Variants in PCAT6 observed in about 807,000 individuals in gnomAD.
The protein encoded by PCAT6 is prostate cancer associated transcript 6.
exon 1 of PCAT6, chr1:202,811,906 T>C (rs1193894170): frequency 6.5e-6 from 1 of 153,010 alleles, no homozygotes; most frequent in Non-Finnish European, 1.5e-5. Context: ...ACAACACTTA[T>C]AACTCAGTAT....
chr1:202,811,086 C>T (rs1204618776), exon 1 of PCAT6: 5 of 377,362 alleles, frequency 1.3e-5, no homozygotes, highest in Non-Finnish European at 2.3e-5. Flanking sequence ...GCGGCCGGAG[C>T]GGAACCCAGC....
At chr1:202,811,484 G>A (rs1351257217) in exon 1 of PCAT6, 2 of 398,144 alleles carry the variant, frequency 5.0e-6, no homozygotes, top group South Asian at 1.3e-4. Context: ...GGATGAGGGG[G>A]GCAGACCGGG....
At chr1:202,811,176 C>G in exon 1 of PCAT6, 1 of 397,820 alleles carries the variant, frequency 2.5e-6, no homozygotes, top group Non-Finnish European at 4.4e-6. Context: ...CCTCCGTCCC[C>G]CAAACCGCCC....
Position 202,811,421 on chromosome 1 carries a change from TCCTC to T in PCAT6, n.546_549del, listed in dbSNP as rs1199839471. On this transcript the variant is annotated non_coding_transcript_exon_variant, in exon 1 of 1. Transcript: ENST00000686658. ...GCCGGGTTGCAAACTTGGGGGGACT[TCCTC>T]CCTCCCCTCCCCCTGGGCGCCGTGC... The T allele has an allele frequency of 2.0e-5, 8 of 398,496 alleles. No individual in the cohort carries two copies. In the Middle Eastern group the frequency reaches 1.9e-3, roughly 93 times the overall value. The allele number at this position is 398,496 out of a possible 1,614,324, so 24.7% of individuals were successfully genotyped here. A position where few individuals can be genotyped will look rare whatever the true frequency, so the allele number is the denominator to read the frequency against.
At chr1:202,811,364 C>G (rs954762911) in exon 1 of PCAT6, 4 of 398,614 alleles carry the variant, frequency 1.0e-5, no homozygotes, top group African/African-American at 8.2e-5. Flanking sequence ...TCCTCGCGTT[C>G]CTTCCGGTAA....
chr1:202,811,019 C>G (rs1431092358), exon 1 of PCAT6: 2 of 280,464 alleles, frequency 7.1e-6, no homozygotes, highest in Non-Finnish European at 1.3e-5. Flanking sequence ...GGGCTGGGTG[C>G]GAGGCCTAGG....
At chr1:202,811,300 C>T (rs1359830306) in exon 1 of PCAT6, 4 of 399,154 alleles carry the variant, frequency 1.0e-5, no homozygotes, top group Non-Finnish European at 1.8e-5. Flanking sequence ...TTCCAGCCTG[C>T]GCCCCAGATC....
rs371295465 is a variant in PCAT6 at position 202,811,316 on chromosome 1, C to G, written n.434C>G. On this transcript the variant is annotated non_coding_transcript_exon_variant, in exon 1 of 1. Coordinates refer to ENST00000686658, the Ensembl canonical transcript of PCAT6. ...TCCAGCCTGCGCCCCAGATCTGCAG[C>G]CTTCGCCCCTAGATACACCCGCCTG... The G allele has an allele frequency of 8.8e-4, 352 of 399,046 alleles. 1 individual carries two copies. Among genetic ancestry groups the G allele is most frequent in the African/African-American group, 6.7e-3 (328 of 48,780 alleles). The allele number at this position is 399,046 out of a possible 1,614,324, so 24.7% of individuals were successfully genotyped here.
chr1:202,811,437 C>T (rs938166768), exon 1 of PCAT6: 1 of 398,536 alleles, frequency 2.5e-6, no homozygotes, highest in Non-Finnish European at 4.4e-6. Context: ...CTCCCCTCCC[C>T]CTGGGCGCCG....
exon 1 of PCAT6, chr1:202,811,566 A>G (rs1658551928): frequency 2.5e-6 from 1 of 393,040 alleles, no homozygotes; most frequent in Non-Finnish European, 4.5e-6. Flanking sequence ...GCCTCTGACA[A>G]CTTTTCAGGG....
At chr1:202,811,201 C>T (rs1302717870) in exon 1 of PCAT6, 10 of 397,432 alleles carry the variant, frequency 2.5e-5, no homozygotes, top group Non-Finnish European at 4.4e-5. Context: ...TTGTGCAGCG[C>T]CAGATCCTTC....
exon 1 of PCAT6, chr1:202,811,170 C>G: frequency 2.5e-6 from 1 of 397,580 alleles, no homozygotes; most frequent in Non-Finnish European, 4.4e-6. Context: ...CCCGGGCCTC[C>G]GTCCCCCAAA....
exon 1 of PCAT6, chr1:202,811,240 A>G (rs1267946642): frequency 2.5e-6 from 1 of 398,480 alleles, no homozygotes. Context: ...CTCCATCCTC[A>G]TTCGGTCCAT....
At chr1:202,811,370 G>A in exon 1 of PCAT6, 1 of 398,692 alleles carries the variant, frequency 2.5e-6, no homozygotes, top group Non-Finnish European at 4.4e-6. Flanking sequence ...CGTTCCTTCC[G>A]GTAACCGCGT....
exon 1 of PCAT6, chr1:202,811,398 C>T (rs549520302): frequency 7.5e-6 from 3 of 398,752 alleles, no homozygotes; most frequent in African/African-American, 4.1e-5. Flanking sequence ...ACCACGCTGC[C>T]GGGTTGCAAA....
At chr1:202,811,373 A>AAG (rs1658547298) in exon 1 of PCAT6, 1 of 398,548 alleles carries the variant, frequency 2.5e-6, no homozygotes, top group African/African-American at 2.1e-5. Context: ...TCCTTCCGGT[A>AAG]ACCGCGTTGC....
At chr1:202,811,715 C>G (rs1658555968) in exon 1 of PCAT6, 1 of 294,566 alleles carries the variant, frequency 3.4e-6, no homozygotes, top group South Asian at 1.6e-4. Flanking sequence ...TTTCCCTCGT[C>G]CTCTGCGCAG....
chr1:202,811,294 A>T lies in PCAT6; in HGVS notation n.412A>T, dbSNP rs896693041. The stretch of plus-strand genomic sequence containing the variant: ...GTCAACCGGCTGCACCCCACTTTCC[A>T]GCCTGCGCCCCAGATCTGCAGCCTT... On this transcript the variant is annotated non_coding_transcript_exon_variant, in exon 1 of 1. Coordinates refer to ENST00000686658, the Ensembl canonical transcript of PCAT6. 6 of 399,222 alleles carry T rather than the reference A, an allele frequency of 1.5e-5. No individual in the cohort carries two copies. The East Asian group carries it at 2.1e-4, about 14-fold the overall frequency. 24.7% of individuals were successfully genotyped at this position (399,222 alleles called of 1,614,324 possible). A position where few individuals can be genotyped will look rare whatever the true frequency, so the allele number is the denominator to read the frequency against.
chr1:202,811,279 T>A (rs1005952249), exon 1 of PCAT6: 9 of 399,258 alleles, frequency 2.3e-5, no homozygotes, highest in African/African-American at 1.8e-4. Context: ...GTCAACCGGC[T>A]GCACCCCACT....
Sources: allele counts gnomAD v4.1 joint callset, GRCh38; gene constraint gnomAD v4.1.1; transcripts MANE v1.5; gene names NCBI Gene and HGNC (gene_info 2026-07-23, HGNC 2026-07-21).